The following CACNA1B variants were observed in gnomAD, a reference collection of about 807,000 sequenced individuals.
CACNA1B encodes the protein voltage-dependent N-type calcium channel subunit alpha-1B.
CACNA1B carries 70 observed loss-of-function variants against 247.2 expected under a neutral mutation model. The observed-to-expected ratio is 0.28, with a 90% CI of 0.23 to 0.35. The LOEUF is 0.35. CACNA1B is among the 10% of genes least tolerant of loss of function. The pLI, the probability that CACNA1B is intolerant of heterozygous loss-of-function variation, is 1.00. For missense variants in CACNA1B, 2,367 were observed against 3,197.4 expected, an observed-to-expected ratio of 0.74 and a Z score of 6.26; for synonymous variants, 1,231 against 1,294.4, an observed-to-expected ratio of 0.95 and a Z score of 1.05.
intron 24 of CACNA1B, 88 bp downstream of exon 24, chr9:138,049,403 T>C (rs868778532): frequency 2.3e-6 from 2 of 878,062 alleles, no homozygotes; most frequent in African/African-American, 1.6e-5. Flanking sequence ...GAGGCCCTCT[T>C]GTGGGCTTCC....
At chr9:137,956,188 A>G (rs1195984583) in intron 8 of CACNA1B, among the ~76,000 whole-genome samples, 1 of 152,116 alleles carries the variant, frequency 6.6e-6, no homozygotes, top group African/African-American at 2.4e-5. Flanking sequence ...ACACCTCCTA[A>G]GGTTTCCCAA....
rs1310128808 is a variant in CACNA1B, at chr9:137,880,463, A to G, written c.390+1304A>G. 1.3e-5 allele frequency among the ~76,000 whole-genome samples: 2 copies of G among 151,792 alleles called. No individual in the cohort carries two copies. Among genetic ancestry groups the G allele is most frequent in the Non-Finnish European group, 2.9e-5 (2 of 67,926 alleles). On this transcript the variant is annotated intron_variant, in intron 2 of 46. Transcript: ENST00000371372. This position sits in a 1 kb window ranked among gnomAD's most constrained non-coding sequence, Gnocchi z 4.8. ...CAGAGAGCCTTGAATGCCAAGTCAC[A>G]GGAAGGAGGGCAGGGCCAGGGTCAG...
Position 137,990,378 on chromosome 9 carries a change from G to A in CACNA1B, c.1974+3524G>A, listed in dbSNP as rs1958418060. On this transcript the variant is annotated intron_variant, in intron 15 of 46. Coordinates refer to ENST00000371372, the MANE Select transcript of CACNA1B (RefSeq NM_000718.4). This position sits in a 1 kb window ranked among gnomAD's most constrained non-coding sequence, Gnocchi z 4.5. ...TGGTCTTTCTCTACCCACCCTGATGGCCGAAGACAAAGGTTATAATCTCCT... is the reference window on the plus strand; with the variant it reads ...TGGTCTTTCTCTACCCACCCTGATGACCGAAGACAAAGGTTATAATCTCCT... 6.6e-6 allele frequency among the ~76,000 whole-genome samples: 1 copy of A among 151,892 alleles called. No homozygotes were observed. The highest frequency in any genetic ancestry group is 2.4e-5 in the African/African-American group (1 of 41,344).
Position 137,952,979 on chromosome 9 carries a change from C to G in CACNA1B, c.1070+602C>G, listed in dbSNP as rs553364915. ...GTGTCCACTTCCTCTCAGGTCACCT[C>G]TTTGTGCCAAGCTACTCCAGGGGAT... On this transcript the variant is annotated intron_variant, in intron 7 of 46. Transcript: ENST00000371372. The surrounding 1 kb of genome is among the most constrained non-coding windows in gnomAD (Gnocchi z 4.8). Among the ~76,000 whole-genome samples the G allele has an allele frequency of 1.5e-3, 234 of 152,320 alleles. 1 individual carries two copies. The highest frequency in any genetic ancestry group is 4.8e-3 in the African/African-American group (201 of 41,562).
intron 15 of CACNA1B, among the ~76,000 whole-genome samples, chr9:137,997,463 C>T (rs1020158853): frequency 6.6e-6 from 1 of 152,136 alleles, no homozygotes; most frequent in African/African-American, 2.4e-5. Flanking sequence ...AAATTGGATT[C>T]CTACCTTGTA....
rs931492900 is a variant in CACNA1B at position 138,058,403 on chromosome 9, C to A, written c.4308+153C>A. On this transcript the variant is annotated intron_variant, in intron 28 of 46. Coordinates refer to ENST00000371372, the MANE Select transcript of CACNA1B (RefSeq NM_000718.4). This position sits in a 1 kb window ranked among gnomAD's most constrained non-coding sequence, Gnocchi z 4.7. ...GTCCTCCTTTCTCCTGCAGAGGGAC[C>A]GGATTTGGCTGGTTGAGGCCTGCTT... Among the ~76,000 whole-genome samples, 4 of 152,120 alleles carry A rather than the reference C, an allele frequency of 2.6e-5. No individual in the cohort carries two copies. The highest frequency in any genetic ancestry group is 5.9e-5 in the Non-Finnish European group (4 of 68,016).
At chr9:138,081,598 A>G (rs955338984) in intron 36 of CACNA1B, among the ~76,000 whole-genome samples, 1 of 151,246 alleles carries the variant, frequency 6.6e-6, no homozygotes, top group African/African-American at 2.4e-5. Flanking sequence ...GAGGTTGTTC[A>G]TGACAGCCTG....
At chr9:137,902,076 T>C (rs1434785304) in intron 3 of CACNA1B, among the ~76,000 whole-genome samples, 1 of 152,238 alleles carries the variant, frequency 6.6e-6, no homozygotes, top group Non-Finnish European at 1.5e-5. Flanking sequence ...CTCTTGTTAA[T>C]TTATTCAATA....
rs958447469 is a variant in CACNA1B at position 137,974,056 on chromosome 9, C to T, written c.1544-1851C>T. On this transcript the variant is annotated intron_variant, in intron 11 of 46. Coordinates refer to ENST00000371372, the MANE Select transcript of CACNA1B (RefSeq NM_000718.4). This position sits in a 1 kb window ranked among gnomAD's most constrained non-coding sequence, Gnocchi z 4.5. ...TGTGGGGAGCCCGAGGCCTTTGTGA[C>T]CCACGCAGAGGGGCTCTGGGACTTT... is the stretch of plus-strand genomic sequence containing the variant. Among the ~76,000 whole-genome samples, 2 of 152,132 alleles carry T rather than the reference C, an allele frequency of 1.3e-5. No individual in the cohort carries two copies. Among genetic ancestry groups the T allele is most frequent in the African/African-American group, 4.8e-5 (2 of 41,422 alleles).
rs181867814 is a variant in CACNA1B at position 138,025,141 on chromosome 9, G to A, written c.3255G>A (p.Thr1085=). The change falls in exon 20 of 47, where the codon ACG becomes ACA. Residue 1085 remains threonine, a synonymous_variant. Transcript: ENST00000371372. ...NTIVHIPVML[T]GPLGEATVVP... The stretch of plus-strand genomic sequence containing the variant: ...TTGTACATATCCCAGTGATGCTGAC[G>A]GGCCCTCTTGGGGAAGCCACGGTCG... 509 of 1,612,234 alleles carry A rather than the reference G, an allele frequency of 3.2e-4. 3 individuals carry two copies. In the African/African-American group the frequency reaches 5.8e-3, roughly 18 times the overall value.
chr9:138,081,589 A>C (rs1222843435), intron 36 of CACNA1B, among the ~76,000 whole-genome samples: 1 of 147,356 alleles, frequency 6.8e-6, no homozygotes, highest in Non-Finnish European at 1.5e-5. Context: ...ATAGGGAATG[A>C]GGTTGTTCAT....
chr9:137,908,924 C>A (rs1430543851), intron 3 of CACNA1B, among the ~76,000 whole-genome samples: 1 of 152,086 alleles, frequency 6.6e-6, no homozygotes, highest in Non-Finnish European at 1.5e-5. Flanking sequence ...AGCCACCACA[C>A]CTGGCTAAAT....
chr9:137,928,828 G>A (rs1470574318), intron 6 of CACNA1B, among the ~76,000 whole-genome samples: 2 of 152,096 alleles, frequency 1.3e-5, no homozygotes, highest in African/African-American at 4.8e-5. Context: ...TAACCTTTCT[G>A]TCTCTGTAGA....
chr9:137,915,284 C>T (rs1957397510), intron 5 of CACNA1B, among the ~76,000 whole-genome samples: 1 of 152,206 alleles, frequency 6.6e-6, no homozygotes, highest in Non-Finnish European at 1.5e-5. Flanking sequence ...CAGTGGAGCG[C>T]TTTGAGTGAG....
chr9:137,901,723 T>C (rs945040518), intron 3 of CACNA1B, among the ~76,000 whole-genome samples: 1 of 148,174 alleles, frequency 6.7e-6, no homozygotes, highest in African/African-American at 2.5e-5. Context: ...TGAGTCTAGA[T>C]CTGTTGCCCA....
chr9:137,937,805 G>T (rs902412225), intron 6 of CACNA1B, among the ~76,000 whole-genome samples: 1 of 151,816 alleles, frequency 6.6e-6, no homozygotes, highest in East Asian at 1.9e-4. Context: ...AAATTAGCTG[G>T]GAATGGTGGT....
intron 20 of CACNA1B, among the ~76,000 whole-genome samples, chr9:138,034,991 C>T (rs1959025978): frequency 6.6e-6 from 1 of 152,212 alleles, no homozygotes; most frequent in Non-Finnish European, 1.5e-5. Context: ...TAATGCAGTC[C>T]AGGTGGGACA....
intron 10 of CACNA1B, among the ~76,000 whole-genome samples, chr9:137,961,930 T>C (rs538932113): frequency 1.3e-5 from 2 of 152,312 alleles, no homozygotes; most frequent in African/African-American, 4.8e-5. Context: ...TTTACAATTG[T>C]TTAGAATAGT....
At chr9:138,035,663 C>G (rs1451503407) in intron 20 of CACNA1B, among the ~76,000 whole-genome samples, 1 of 152,004 alleles carries the variant, frequency 6.6e-6, no homozygotes, top group Non-Finnish European at 1.5e-5. Flanking sequence ...TTATCAATGC[C>G]CCAGTCTTTG....
Sources: gnomAD v4.1 joint callset for allele counts (sites outside exome capture counted in the v4.1 genomes callset) on GRCh38, gnomAD v4.1.1 for gene constraint, Gnocchi (gnomAD v3.1) non-coding constraint, MANE v1.5 for transcripts, NCBI Gene and HGNC (gene_info 2026-07-23, HGNC 2026-07-21) for gene names.